The following SGMS2 variants were observed in gnomAD, a reference collection of about 807,000 sequenced individuals.
The protein encoded by SGMS2 is sphingomyelin synthase 2.
SGMS2 carries 21 observed loss-of-function variants against 43.8 expected under a neutral mutation model. The observed-to-expected ratio is 0.48, with a 90% CI of 0.34 to 0.69. The LOEUF (loss-of-function observed/expected upper bound fraction) is 0.69, where lower values mean the gene tolerates loss of function less well. Ranked by LOEUF, SGMS2 falls within the 30% of genes least tolerant of loss-of-function variation. The pLI is 0.01. For synonymous variants in SGMS2, 167 were observed against 160.6 expected (o/e 1.04, Z -0.30); for missense variants, 384 against 443.2 (o/e 0.87, Z 1.20).
intron 1 of SGMS2, among the ~76,000 whole-genome samples, chr4:107,839,723 G>C (rs1726394579): frequency 6.6e-6 from 1 of 152,010 alleles, no homozygotes; most frequent in Non-Finnish European, 1.5e-5. Context: ...ATACTTTGCT[G>C]TTCATTAAGT....
intron 4 of SGMS2, 30 bp from the exon 5 acceptor site, chr4:107,903,203 T>G: frequency 6.2e-7 from 1 of 1,611,500 alleles, no homozygotes; most frequent in Non-Finnish European, 8.5e-7. Flanking sequence ...CACTTGTAAA[T>G]TCCCTTCTTA....
chr4:107,879,471 T>A (rs1172733536), intron 2 of SGMS2, among the ~76,000 whole-genome samples: 1 of 110,244 alleles, frequency 9.1e-6, no homozygotes, highest in Non-Finnish European at 2.1e-5. Context: ...GGGCTATTTT[T>A]TTTTTTTCGA....
chr4:107,857,925 C>T (rs991660033), intron 1 of SGMS2, among the ~76,000 whole-genome samples: 2 of 152,224 alleles, frequency 1.3e-5, no homozygotes, highest in Non-Finnish European at 2.9e-5. Context: ...CTTTTTAAAC[C>T]TTCCTGGCTC....
chr4:107,876,186 A>G (rs1050774580), intron 2 of SGMS2, among the ~76,000 whole-genome samples: 1 of 152,146 alleles, frequency 6.6e-6, no homozygotes, highest in Non-Finnish European at 1.5e-5. Context: ...AACCCATTAT[A>G]TTTTAAATAA....
rs554131793 is a variant in SGMS2 at position 107,856,068 on chromosome 4, G to A, written c.-326-2404G>A. 1.4e-3 allele frequency among the ~76,000 whole-genome samples: 209 copies of A among 152,198 alleles called. 1 individual carries two copies. Among genetic ancestry groups the A allele is most frequent in the African/African-American group, 4.7e-3 (196 of 41,526 alleles). On this transcript the variant is annotated intron_variant, in intron 1 of 6. Coordinates refer to ENST00000690982, the MANE Select transcript of SGMS2 (RefSeq NM_001375905.1). ...CCGGGAGCAGGTAGAACAATATTCAGTCCCAGGAGATAGCATTCCCTCTTC... is the reference window on the plus strand; with the variant it reads ...CCGGGAGCAGGTAGAACAATATTCAATCCCAGGAGATAGCATTCCCTCTTC...
intron 2 of SGMS2, among the ~76,000 whole-genome samples, chr4:107,871,007 C>T (rs1728522825): frequency 6.6e-6 from 1 of 152,128 alleles, no homozygotes; most frequent in Admixed American, 6.5e-5. Flanking sequence ...CTGACTACCT[C>T]TTGGCATTAT....
chr4:107,827,761 A>C (rs1725674913), intron 1 of SGMS2, among the ~76,000 whole-genome samples: 1 of 152,160 alleles, frequency 6.6e-6, no homozygotes, highest in South Asian at 2.1e-4. Flanking sequence ...CGAGGCAGGC[A>C]GATCACTTGA....
At position 107,899,667 on chromosome 4, in the gene SGMS2, G is replaced by C. The variant is rs1182324911; in HGVS notation, c.548G>C (p.Gly183Ala). ...TMYVTTLPVP[G>A]MHFQCAPKLN... is the part of the protein sequence containing the mutation. ...TATGTTACTACTCTACCTGTGCCTG[G>C]AATGCATTTCCAGTGTGCTCCAAAG... The change falls in exon 4 of 7, where the codon GGA becomes GCA. Residue 183 changes from glycine to alanine, a missense_variant. Coordinates refer to ENST00000690982, the MANE Select transcript of SGMS2 (RefSeq NM_001375905.1). 6.2e-7 allele frequency: 1 copy of C among 1,612,380 alleles called. No homozygotes were observed.
chr4:107,884,428 A>G (rs758480752), intron 2 of SGMS2, among the ~76,000 whole-genome samples: 4 of 152,182 alleles, frequency 2.6e-5, no homozygotes, highest in Non-Finnish European at 5.9e-5. Context: ...CATCCTAGCC[A>G]TGAGAGATAA....
intron 2 of SGMS2, among the ~76,000 whole-genome samples, chr4:107,860,120 A>G (rs185556642): frequency 5.3e-5 from 8 of 152,190 alleles, no homozygotes; most frequent in African/African-American, 1.7e-4. Flanking sequence ...GAATTTCTTT[A>G]TGCATAAATA....
At chr4:107,889,023 A>G (rs1267488559) in intron 2 of SGMS2, among the ~76,000 whole-genome samples, 2 of 152,166 alleles carry the variant, frequency 1.3e-5, no homozygotes, top group Admixed American at 6.6e-5. Flanking sequence ...TTAGCCTCCA[A>G]TCTGTCCTTG....
intron 1 of SGMS2, among the ~76,000 whole-genome samples, chr4:107,837,691 A>C (rs942406774): frequency 3.9e-5 from 6 of 152,062 alleles, no homozygotes; most frequent in African/African-American, 1.4e-4. Flanking sequence ...GTGGAGTAGG[A>C]GGGGGTTAGA....
At chr4:107,828,785 A>G (rs1259111600) in intron 1 of SGMS2, among the ~76,000 whole-genome samples, 1 of 152,206 alleles carries the variant, frequency 6.6e-6, no homozygotes, top group Non-Finnish European at 1.5e-5. Context: ...TCAGAGTCTT[A>G]ATTTCTGCGT....
intron 2 of SGMS2, among the ~76,000 whole-genome samples, chr4:107,884,634 A>G (rs936323399): frequency 6.6e-6 from 1 of 152,182 alleles, no homozygotes; most frequent in African/African-American, 2.4e-5. Context: ...ATAAATGTAT[A>G]ACTCATTGCC....
At chr4:107,825,620 C>CT (rs201101875) in intron 1 of SGMS2, among the ~76,000 whole-genome samples, 16,695 of 116,158 alleles carry the variant, frequency 0.14, 2,320 homozygotes, top group African/African-American at 0.33. Context: ...TTTTCTTTCT[C>CT]TTTTTTTTTT....
intron 2 of SGMS2, among the ~76,000 whole-genome samples, chr4:107,887,990 C>G (rs1295684984): frequency 1.3e-5 from 2 of 152,176 alleles, no homozygotes; most frequent in African/African-American, 4.8e-5. Flanking sequence ...ATATGCTTGT[C>G]TTGCATCAGT....
At chr4:107,825,620 C>CTTTTTTTTTTTTTTT (rs201101875) in intron 1 of SGMS2, among the ~76,000 whole-genome samples, 2 of 116,290 alleles carry the variant, frequency 1.7e-5, no homozygotes, top group African/African-American at 7.4e-5. Flanking sequence ...TTTTCTTTCT[C>CTTTTTTTTTTTTTTT]TTTTTTTTTT....
rs139285094 is a variant in SGMS2, at chr4:107,855,663, C to T, written c.-326-2809C>T. On this transcript the variant is annotated intron_variant, in intron 1 of 6. Transcript: ENST00000690982. ...CTGAGAAGAATGTGTATTGTATAGC[C>T]GTTGGATGAAATGTTGTGTAAATGT... is the stretch of plus-strand genomic sequence containing the variant. Among the ~76,000 whole-genome samples, 137 of 152,156 alleles carry T rather than the reference C, an allele frequency of 9.0e-4. 1 individual carries two copies. In the East Asian group the frequency reaches 0.025, roughly 27 times the overall value.
At chr4:107,843,465 T>A (rs967576869) in intron 1 of SGMS2, among the ~76,000 whole-genome samples, 3 of 152,178 alleles carry the variant, frequency 2.0e-5, no homozygotes, top group Non-Finnish European at 4.4e-5. Context: ...TAGTGGAAGA[T>A]GTGTGGTGTC....
Sources: allele counts gnomAD v4.1 joint callset (sites outside exome capture counted in the v4.1 genomes callset), GRCh38; gene constraint gnomAD v4.1.1; transcripts MANE v1.5; gene names NCBI Gene and HGNC (gene_info 2026-07-23, HGNC 2026-07-21).